GALNT17: variants seen among roughly 807,000 people sequenced by gnomAD.
GALNT17 encodes polypeptide N-acetylgalactosaminyltransferase 17.
In GALNT17, 29 loss-of-function variants were observed where a neutral mutation model predicts 63.7. That is an observed-to-expected ratio of 0.46 (90% CI 0.34 to 0.62). The LOEUF is 0.62. Ranked by LOEUF, GALNT17 falls within the 20% of genes least tolerant of loss-of-function variation. The probability of loss-of-function intolerance (pLI) is 0.01; values close to 1 mark genes in which losing one functional copy is unlikely to be tolerated. For missense variants in GALNT17, 603 were observed against 799.6 expected (o/e 0.75, Z 2.97); for synonymous variants, 305 against 318.3 (o/e 0.96, Z 0.45).
chr7:71,365,430 G>C (rs1792486041), intron 2 of GALNT17, among the ~76,000 whole-genome samples: 2 of 152,160 alleles, frequency 1.3e-5, no homozygotes, highest in Non-Finnish European at 1.5e-5. Context: ...AGTAGAGATG[G>C]GGTTTTACCA....
intron 4 of GALNT17, among the ~76,000 whole-genome samples, chr7:71,419,661 G>A (rs1324115930): frequency 6.6e-6 from 1 of 152,020 alleles, no homozygotes; most frequent in East Asian, 1.9e-4. Context: ...TTGGTCTTGG[G>A]ACCAGGTGGT....
intron 6 of GALNT17, among the ~76,000 whole-genome samples, chr7:71,633,682 A>G (rs1790489255): frequency 6.6e-6 from 1 of 152,148 alleles, no homozygotes; most frequent in South Asian, 2.1e-4. Context: ...TTGTTCTTGA[A>G]GCTCTGTTTC....
At chr7:71,666,400 T>G (rs985335492) in intron 7 of GALNT17, among the ~76,000 whole-genome samples, 1 of 150,342 alleles carries the variant, frequency 6.7e-6, no homozygotes, top group African/African-American at 2.4e-5. Context: ...CAGCACAAAA[T>G]TTTTTTAATT....
intron 1 of GALNT17, among the ~76,000 whole-genome samples, chr7:71,227,860 T>C (rs1278586470): frequency 6.6e-6 from 1 of 152,004 alleles, no homozygotes; most frequent in East Asian, 1.9e-4. Context: ...AGCTCACGGG[T>C]TGAGGAAGAG....
intron 8 of GALNT17, among the ~76,000 whole-genome samples, chr7:71,673,078 G>A (rs550492059): frequency 6.6e-6 from 1 of 152,018 alleles, no homozygotes; most frequent in South Asian, 2.1e-4. Flanking sequence ...TTAGTAATAT[G>A]AAAAAAATCA....
rs140703816 is a variant in GALNT17 at position 71,283,036 on chromosome 7, G to A, written c.239-52514G>A. On this transcript the variant is annotated intron_variant, in intron 1 of 10. Coordinates refer to ENST00000333538, the MANE Select transcript of GALNT17 (RefSeq NM_022479.3). ...CAGAACACATGCCCCACTGCCACTC[G>A]TTTTTTAATTTTAGAGACAGGGTCT... Among the ~76,000 whole-genome samples, 768 of 152,062 alleles carry A rather than the reference G, an allele frequency of 5.1e-3. 7 individuals carry two copies. The highest frequency in any genetic ancestry group is 0.017 in the African/African-American group (725 of 41,458).
Position 71,242,743 on chromosome 7 carries a change from GCT to G in GALNT17, c.239-92806_239-92805del, listed in dbSNP as rs1790022613. Among the ~76,000 whole-genome samples the G allele has an allele frequency of 7.2e-5, 11 of 152,292 alleles. 1 individual carries two copies. The South Asian group carries it at 2.3e-3, about 32-fold the overall frequency. The stretch of plus-strand genomic sequence containing the variant: ...TACAGCCTGGGCCCCTGAGGACTTT[GCT>G]GTGCAAGACTGCCATCTTCCCTGGT... On this transcript the variant is annotated intron_variant, in intron 1 of 10. Transcript: ENST00000333538.
intron 6 of GALNT17, among the ~76,000 whole-genome samples, chr7:71,590,282 C>T (rs960424700): frequency 6.6e-6 from 1 of 152,262 alleles, no homozygotes; most frequent in Non-Finnish European, 1.5e-5. Context: ...ATAGCCAAAC[C>T]ATTTACTCTA....
intron 1 of GALNT17, among the ~76,000 whole-genome samples, chr7:71,257,083 G>T (rs1182351144): frequency 2.0e-5 from 3 of 152,158 alleles, no homozygotes; most frequent in Non-Finnish European, 4.4e-5. Context: ...GGTTAACATA[G>T]AAATTAATTT....
chr7:71,162,416 CCATCCATCCATCCATCCATT>C (rs1788366055), intron 1 of GALNT17, among the ~76,000 whole-genome samples: 2 of 147,938 alleles, frequency 1.4e-5, no homozygotes, highest in African/African-American at 5.2e-5. Context: ...ATCCATCCAT[CCATCCATCCATCCATCCATT>C]CATCCATCCA....
At chr7:71,493,766 C>A (rs1399392073) in intron 5 of GALNT17, among the ~76,000 whole-genome samples, 1 of 152,138 alleles carries the variant, frequency 6.6e-6, no homozygotes, top group Non-Finnish European at 1.5e-5. Context: ...CCTTCTGTCC[C>A]CTCCACTTCT....
intron 5 of GALNT17, among the ~76,000 whole-genome samples, chr7:71,462,591 C>T (rs1006575208): frequency 2.6e-5 from 4 of 152,084 alleles, no homozygotes; most frequent in Non-Finnish European, 5.9e-5. Context: ...TCTAGGGAGA[C>T]GTGAGACATC....
Position 71,475,613 on chromosome 7 carries a change from T to C in GALNT17, c.962+54508T>C, listed in dbSNP as rs534711685. ...CTCGCCCACCACTCACCTCCTGCTA[T>C]GTGGCCAGGTTCCTAACAGGCTGCA... On this transcript the variant is annotated intron_variant, in intron 5 of 10. Transcript: ENST00000333538. 5.0e-4 allele frequency among the ~76,000 whole-genome samples: 76 copies of C among 152,294 alleles called. 1 individual carries two copies. In the East Asian group the frequency reaches 0.012, roughly 24 times the overall value.
chr7:71,301,271 A>G (rs1054398042), intron 1 of GALNT17, among the ~76,000 whole-genome samples: 4 of 151,496 alleles, frequency 2.6e-5, no homozygotes, highest in Admixed American at 2.6e-4. Flanking sequence ...TGGATGACAG[A>G]GTGAGACCCT....
chr7:71,209,950 T>G (rs980277854), intron 1 of GALNT17, among the ~76,000 whole-genome samples: 1 of 151,892 alleles, frequency 6.6e-6, no homozygotes, highest in African/African-American at 2.4e-5. Flanking sequence ...TGGGACAGAG[T>G]TTCGCTCTGT....
At chr7:71,519,416 C>T (rs1452540977) in intron 5 of GALNT17, among the ~76,000 whole-genome samples, 3 of 152,130 alleles carry the variant, frequency 2.0e-5, no homozygotes, top group Non-Finnish European at 2.9e-5. Context: ...AAATTCTGTA[C>T]GTCTGTCCCT....
chr7:71,276,719 C>T (rs113515360), intron 1 of GALNT17, among the ~76,000 whole-genome samples: 7,625 of 152,104 alleles, frequency 0.05, 667 homozygotes, highest in African/African-American at 0.17. Flanking sequence ...CCCAGTCGGC[C>T]GGGTATGGTT....
chr7:71,599,696 A>G (rs577849884), intron 6 of GALNT17, among the ~76,000 whole-genome samples: 7 of 151,684 alleles, frequency 4.6e-5, no homozygotes, highest in African/African-American at 1.7e-4. Context: ...ATGCTTCTAA[A>G]CATCCTACAA....
At chr7:71,477,245 G>C (rs889394169) in intron 5 of GALNT17, among the ~76,000 whole-genome samples, 1 of 152,120 alleles carries the variant, frequency 6.6e-6, no homozygotes, top group Non-Finnish European at 1.5e-5. Context: ...TATCTTGACT[G>C]ACAGGCTTCC....
Sources: gnomAD v4.1 joint callset for allele counts (sites outside exome capture counted in the v4.1 genomes callset) on GRCh38, gnomAD v4.1.1 for gene constraint, MANE v1.5 for transcripts, NCBI Gene and HGNC (gene_info 2026-07-23, HGNC 2026-07-21) for gene names.